Variants in NEUROD4 observed in about 807,000 individuals in gnomAD.
NEUROD4 encodes neurogenic differentiation factor 4.
In NEUROD4, 16 loss-of-function variants were observed where a neutral mutation model predicts 19.8. That is an observed-to-expected ratio of 0.81 (90% CI 0.55 to 1.23). The LOEUF is 1.23. Ranked by LOEUF, NEUROD4 falls within the 50% of genes most tolerant of loss-of-function variation. NEUROD4 has a pLI of 0.00. For synonymous variants in NEUROD4, 153 were observed against 147.9 expected, an observed-to-expected ratio of 1.03 and a Z score of -0.25; for missense variants, 439 against 398.6, an observed-to-expected ratio of 1.10 and a Z score of -0.86.
intron 1 of NEUROD4, among the ~76,000 whole-genome samples, chr12:55,024,020 A>C (rs868074138): frequency 3.4e-4 from 52 of 152,180 alleles, no homozygotes; most frequent in African/African-American, 1.0e-3. Context: ...ATCCAGGGAC[A>C]ATTCAGGAGA....
rs781323238 is a variant in NEUROD4 at position 55,026,755 on chromosome 12, G to A, written c.316G>A (p.Ala106Thr). ...GACCCGGATGCATGGCCTGAATGAC[G>A]CCCTGGATAACCTGAGGCGAGTCAT... ...ERTRMHGLNDALDNLRRVMPC... is the reference protein window; with the variant it reads ...ERTRMHGLNDTLDNLRRVMPC... Residue 106 changes from alanine (A) to threonine (T), a missense_variant, in exon 2 of 2, where the codon GCC becomes ACC. By Grantham distance (58) the Ala-to-Thr change is moderately conservative. Transcript: ENST00000242994. 6 of 1,614,142 alleles carry A rather than the reference G, an allele frequency of 3.7e-6. No individual in the cohort carries two copies. Among genetic ancestry groups the A allele is most frequent in the Non-Finnish European group, 5.1e-6 (6 of 1,179,998 alleles).
Position 55,027,340 on chromosome 12 carries a change from G to T in NEUROD4, c.901G>T (p.Gly301Cys). 1 of 1,614,014 alleles carries T rather than the reference G, an allele frequency of 6.2e-7. No homozygotes were observed. The highest frequency in any genetic ancestry group is 8.5e-7 in the Non-Finnish European group (1 of 1,179,984). Residue 301 changes from glycine to cysteine, a missense_variant, in exon 2 of 2, where the codon GGT (glycine) becomes TGT (cysteine). Physicochemically the swap from Gly to Cys is radical, Grantham distance 159 (BLOSUM62 -3). Coordinates refer to ENST00000242994, the MANE Select transcript of NEUROD4 (RefSeq NM_021191.3). ...GHVHSTPFQA[G>C]TPRYDVPIDM... ...TGTGCATTCAACTCCTTTTCAGGCT[G>T]GTACCCCCCGTTATGATGTTCCTAT...
chr12:55,021,966 A>G (rs1183862514), intron 1 of NEUROD4, among the ~76,000 whole-genome samples: 3 of 152,142 alleles, frequency 2.0e-5, no homozygotes, highest in Non-Finnish European at 2.9e-5. Flanking sequence ...AGGCAACCTT[A>G]AGATGGTATA....
chr12:55,027,289 C>G lies in NEUROD4; in HGVS notation c.850C>G (p.Pro284Ala), dbSNP rs144650862. Residue 284 changes from proline to alanine, a missense_variant, in exon 2 of 2, where the codon CCT becomes GCT. Physicochemically the swap from Pro to Ala is conservative, Grantham distance 27. Transcript: ENST00000242994. ...EKSYSFMPHY[P>A]SSSLSSGHVH... The stretch of plus-strand genomic sequence containing the variant: ...ATCCTACAGCTTCATGCCACATTAC[C>G]CTTCTTCAAGTCTAAGCTCAGGGCA... 6.8e-6 allele frequency: 11 copies of G among 1,613,964 alleles called. No homozygotes were observed. In the African/African-American group the frequency reaches 8.0e-5, roughly 12 times the overall value.
rs2136242266 is a variant in NEUROD4 at position 55,028,613 on chromosome 12, C to A, written c.*1178C>A. 6.0e-6 allele frequency: 1 copy of A among 167,072 alleles called. No homozygotes were observed. Among genetic ancestry groups the A allele is most frequent in the Middle Eastern group, 3.4e-3 (1 of 296 alleles). The allele number at this position is 167,072 out of a possible 1,614,324, so 10.3% of individuals were successfully genotyped here. ...CACAAGCACCAATCAATTTATTGAT[C>A]AAGGTTAAATTTTTCCAACATATAT... is the stretch of plus-strand genomic sequence containing the variant. On this transcript the variant is annotated 3_prime_UTR_variant, in exon 2 of 2. Transcript: ENST00000242994.
chr12:55,028,841 T>G lies in NEUROD4; in HGVS notation c.*1406T>G, dbSNP rs1431957660. 6.0e-6 allele frequency: 1 copy of G among 167,108 alleles called. No individual in the cohort carries two copies. Among genetic ancestry groups the G allele is most frequent in the Non-Finnish European group, 1.5e-5 (1 of 68,114 alleles). 10.4% of individuals were successfully genotyped at this position (167,108 alleles called of 1,614,324 possible). ...TTTGCAGAGTGTTTATTTTTCTTTATGTAACTCCTTTTTCCTTTATATCAA... is the reference window on the plus strand; with the variant it reads ...TTTGCAGAGTGTTTATTTTTCTTTAGGTAACTCCTTTTTCCTTTATATCAA... On this transcript the variant is annotated 3_prime_UTR_variant, in exon 2 of 2. Coordinates refer to ENST00000242994, the MANE Select transcript of NEUROD4 (RefSeq NM_021191.3).
rs1952745297 is a variant in NEUROD4, at chr12:55,027,255, C to T, written c.816C>T (p.Asp272=). Residue 272 remains aspartate (D), a synonymous_variant, in exon 2 of 2, where the codon GAC becomes GAT. Transcript: ENST00000242994. Reference sequence around the variant, plus strand: ...CCTTGAAGCAAGATGGGTCTCCTGACCTAGAAAAATCCTACAGCTTCATGC... The same window carrying T: ...CCTTGAAGCAAGATGGGTCTCCTGATCTAGAAAAATCCTACAGCTTCATGC... ...NFSLKQDGSP[D]LEKSYSFMPH... 6.2e-7 allele frequency: 1 copy of T among 1,614,086 alleles called. No homozygotes were observed. The highest frequency in any genetic ancestry group is 8.5e-7 in the Non-Finnish European group (1 of 1,179,994).
intron 1 of NEUROD4, among the ~76,000 whole-genome samples, chr12:55,023,611 T>C (rs1025443180): frequency 2.0e-5 from 3 of 152,174 alleles, no homozygotes; most frequent in Admixed American, 6.5e-5. Context: ...TATTCTAGCT[T>C]CCATTCTTTT....
intron 1 of NEUROD4, among the ~76,000 whole-genome samples, chr12:55,021,386 C>T (rs1952672590): frequency 6.6e-6 from 1 of 152,118 alleles, no homozygotes; most frequent in Non-Finnish European, 1.5e-5. Flanking sequence ...GCTGGACAGC[C>T]CCCTTTCTGT....
chr12:55,026,415 T>G lies in NEUROD4; in HGVS notation c.-9-16T>G. 1 of 1,569,382 alleles carries G rather than the reference T, an allele frequency of 6.4e-7. No individual in the cohort carries two copies. The highest frequency in any genetic ancestry group is 1.2e-5 in the South Asian group (1 of 83,160). On this transcript the variant is annotated splice_polypyrimidine_tract_variant and intron_variant, in intron 1 of 1. Coordinates refer to ENST00000242994, the MANE Select transcript of NEUROD4 (RefSeq NM_021191.3). Reference sequence around the variant, plus strand: ...GGTACTCACAGGAATTAACCTTTGATATTTCCCTTTTCCAGAGTCTGGAAA... The same window carrying G: ...GGTACTCACAGGAATTAACCTTTGAGATTTCCCTTTTCCAGAGTCTGGAAA...
chr12:55,020,465 G>T (rs1040908324), intron 1 of NEUROD4, among the ~76,000 whole-genome samples, 152 bp downstream of exon 1: 1 of 152,074 alleles, frequency 6.6e-6, no homozygotes, highest in African/African-American at 2.4e-5. Flanking sequence ...CTAGTGAGTT[G>T]GAACACTTAG....
intron 1 of NEUROD4, among the ~76,000 whole-genome samples, chr12:55,025,379 T>TTCC: frequency 6.6e-6 from 1 of 152,132 alleles, no homozygotes; most frequent in Non-Finnish European, 1.5e-5. Flanking sequence ...GTTCCACTAG[T>TTCC]ATTTGTTCCA....
In NEUROD4 at chr12:55,027,059, C is replaced by A. The variant is rs191997006; in HGVS notation, c.620C>A (p.Pro207Gln). ...GTCCACAACTTCAACTATCAGTCTC[C>A]GGGGCTTCCTAGCCCTCCTTATGGT... ...ISVHNFNYQS[P>Q]GLPSPPYGHM... is the part of the protein sequence containing the mutation. Residue 207 changes from proline (P) to glutamine (Q), a missense_variant, in exon 2 of 2, where the codon CCG becomes CAG. Transcript: ENST00000242994. The A allele has an allele frequency of 6.2e-7, 1 of 1,614,068 alleles. No homozygotes were observed. The highest frequency in any genetic ancestry group is 1.3e-5 in the African/African-American group (1 of 75,038).
At position 55,027,608 on chromosome 12, in the gene NEUROD4, C is replaced by T. The variant is rs1284456731; in HGVS notation, c.*173C>T. On this transcript the variant is annotated 3_prime_UTR_variant, in exon 2 of 2. Coordinates refer to ENST00000242994, the MANE Select transcript of NEUROD4 (RefSeq NM_021191.3). ...CACCTCTTTTCTCATCACCTTCTCA[C>T]ATTGCATTGATTTCTTTATAGAGTC... 4.8e-6 allele frequency: 3 copies of T among 623,058 alleles called. No homozygotes were observed. The highest frequency in any genetic ancestry group is 3.2e-5 in the Admixed American group (1 of 31,558). 38.6% of individuals were successfully genotyped at this position (623,058 alleles called of 1,614,324 possible).
At position 55,027,061 on chromosome 12, in the gene NEUROD4, G is replaced by C; in HGVS notation, c.622G>C (p.Gly208Arg). Residue 208 changes from glycine (G) to arginine (R), a missense_variant, in exon 2 of 2, where the codon GGG becomes CGG. By Grantham distance (125) the Gly-to-Arg change is moderately radical. Coordinates refer to ENST00000242994, the MANE Select transcript of NEUROD4 (RefSeq NM_021191.3). Reference protein sequence around the residue: ...SVHNFNYQSPGLPSPPYGHME... With the variant: ...SVHNFNYQSPRLPSPPYGHME... Reference sequence around the variant, plus strand: ...CCACAACTTCAACTATCAGTCTCCGGGGCTTCCTAGCCCTCCTTATGGTCA... The same window carrying C: ...CCACAACTTCAACTATCAGTCTCCGCGGCTTCCTAGCCCTCCTTATGGTCA... 1 of 1,614,008 alleles carries C rather than the reference G, an allele frequency of 6.2e-7. No individual in the cohort carries two copies. Among genetic ancestry groups the C allele is most frequent in the Non-Finnish European group, 8.5e-7 (1 of 1,179,976 alleles).
chr12:55,022,726 C>A (rs1322899544), intron 1 of NEUROD4, among the ~76,000 whole-genome samples: 1 of 152,052 alleles, frequency 6.6e-6, no homozygotes, highest in Non-Finnish European at 1.5e-5. Flanking sequence ...GAGTTCTAGT[C>A]AACTCAGTGG....
intron 1 of NEUROD4, among the ~76,000 whole-genome samples, chr12:55,025,419 T>C (rs1006428206): frequency 2.0e-5 from 3 of 152,226 alleles, no homozygotes; most frequent in Non-Finnish European, 4.4e-5. Flanking sequence ...AGTATTATTA[T>C]AGTAGTTGTA....
intron 1 of NEUROD4, among the ~76,000 whole-genome samples, chr12:55,020,700 A>G (rs1451486892): frequency 2.0e-5 from 3 of 152,138 alleles, no homozygotes; most frequent in African/African-American, 7.2e-5. Context: ...AATTGACCCA[A>G]TCCACCACTC....
chr12:55,027,042 C>T lies in NEUROD4; in HGVS notation c.603C>T (p.Asn201=). 1 of 1,614,168 alleles carries T rather than the reference C, an allele frequency of 6.2e-7. No individual in the cohort carries two copies. Among genetic ancestry groups the T allele is most frequent in the Non-Finnish European group, 8.5e-7 (1 of 1,180,028 alleles). ...GTGACTCTGCCATCTCTGTCCACAA[C>T]TTCAACTATCAGTCTCCGGGGCTTC... ...PICDSAISVH[N]FNYQSPGLPS... The change falls in exon 2 of 2, where the codon AAC becomes AAT. Residue 201 remains asparagine (N), a synonymous_variant. Coordinates refer to ENST00000242994, the MANE Select transcript of NEUROD4 (RefSeq NM_021191.3).
Sources: gnomAD v4.1 joint callset for allele counts (sites outside exome capture counted in the v4.1 genomes callset) on GRCh38, gnomAD v4.1.1 for gene constraint, MANE v1.5 for transcripts, NCBI Gene and HGNC (gene_info 2026-07-23, HGNC 2026-07-21) for gene names.